Variants in CAPN9 observed in about 807,000 individuals in gnomAD.
CAPN9 encodes calpain-9.
CAPN9 carries 81 observed loss-of-function variants against 92.8 expected under a neutral mutation model. That is an observed-to-expected ratio of 0.87 (90% CI 0.73 to 1.05). The LOEUF (loss-of-function observed/expected upper bound fraction) is 1.05, where lower values mean the gene tolerates loss of function less well. Among genes scored for constraint, CAPN9 ranks in the 50% least tolerant of loss-of-function variants. CAPN9 has a pLI of 0.00. For missense variants in CAPN9, 848 were observed against 866.2 expected (o/e 0.98, Z 0.26); for synonymous variants, 304 against 328.0 (o/e 0.93, Z 0.79).
In CAPN9 at chr1:230,747,551, G is replaced by A. The variant is rs147360179; in HGVS notation, c.55G>A (p.Ala19Thr). 172 of 1,614,154 alleles carry A rather than the reference G, an allele frequency of 1.1e-4. No individual in the cohort carries two copies. The East Asian group carries it at 1.1e-3, about 11-fold the overall frequency. ...TCAGGCACACCCGGTTCCCAAGGACGCCCGGATCACCCACTCCTCAGGCCA... is the reference window on the plus strand; with the variant it reads ...TCAGGCACACCCGGTTCCCAAGGACACCCGGATCACCCACTCCTCAGGCCA... ...GPQAHPVPKDARITHSSGQSF... is the reference protein window; with the variant it reads ...GPQAHPVPKDTRITHSSGQSF... The change falls in exon 1 of 20, where the codon GCC becomes ACC. Residue 19 changes from alanine to threonine, a missense_variant. Physicochemically the swap from Ala to Thr is moderately conservative, Grantham distance 58. Transcript: ENST00000271971.
chr1:230,797,996 G>A (rs898746518), intron 18 of CAPN9, among the ~76,000 whole-genome samples, 166 bp from the exon 19 acceptor site: 1 of 152,078 alleles, frequency 6.6e-6, no homozygotes, highest in Non-Finnish European at 1.5e-5. Context: ...CCTTCAGCCC[G>A]CCCTTGATGA....
chr1:230,763,375 C>G (rs1665766916), intron 4 of CAPN9, among the ~76,000 whole-genome samples: 1 of 152,184 alleles, frequency 6.6e-6, no homozygotes, highest in Non-Finnish European at 1.5e-5. Flanking sequence ...AACTGAAATT[C>G]TGTCCCTATT....
At chr1:230,756,026 T>C (rs999836819) in intron 2 of CAPN9, among the ~76,000 whole-genome samples, 3 of 152,000 alleles carry the variant, frequency 2.0e-5, no homozygotes, top group African/African-American at 7.2e-5. Context: ...TTAATCCAAC[T>C]GGGCTGGGTT....
At chr1:230,767,843 T>C in intron 5 of CAPN9, 134 bp downstream of exon 5, 1 of 793,988 alleles carries the variant, frequency 1.3e-6, no homozygotes, top group Non-Finnish European at 2.0e-6. Context: ...GCAGTGTTTA[T>C]TCCTGCTAAT....
At chr1:230,794,337 C>T (rs1466804132) in intron 17 of CAPN9, among the ~76,000 whole-genome samples, 4 of 151,972 alleles carry the variant, frequency 2.6e-5, no homozygotes, top group Non-Finnish European at 5.9e-5. Flanking sequence ...CAAAATTAAC[C>T]AGTTGTGGTG....
At position 230,798,184 on chromosome 1, in the gene CAPN9, A is replaced by G; in HGVS notation, c.2010A>G (p.Thr670=). The G allele has an allele frequency of 1.2e-6, 2 of 1,611,886 alleles. No individual in the cohort carries two copies. Among genetic ancestry groups the G allele is most frequent in the Non-Finnish European group, 1.7e-6 (2 of 1,177,990 alleles). The change falls in exon 19 of 20, where the codon ACA becomes ACG. Residue 670 remains threonine, a synonymous_variant. Coordinates refer to ENST00000271971, the MANE Select transcript of CAPN9 (RefSeq NM_006615.3). ...CAGGGGTGTTCCAGGCTCTCAGTAC[A>G]AAGAACAAGGAGTTCATTCATCTCA... ...NASRVFQALS[T]KNKEFIHLNI...
chr1:230,798,424 A>G (rs970170463), intron 19 of CAPN9, among the ~76,000 whole-genome samples: 1 of 152,242 alleles, frequency 6.6e-6, no homozygotes, highest in Non-Finnish European at 1.5e-5. Context: ...TGAGCTAAGT[A>G]CCAATAGTAT....
At chr1:230,782,052 C>T (rs925942514) in intron 11 of CAPN9, among the ~76,000 whole-genome samples, 2 of 152,314 alleles carry the variant, frequency 1.3e-5, no homozygotes, top group East Asian at 3.9e-4. Context: ...TGCAGATTGA[C>T]ATCTCTTATG....
At chr1:230,760,202 G>A (rs1665544931) in intron 3 of CAPN9, among the ~76,000 whole-genome samples, 1 of 152,078 alleles carries the variant, frequency 6.6e-6, no homozygotes, top group Admixed American at 6.5e-5. Flanking sequence ...CTCCACCCCT[G>A]TCCTTATATA....
Position 230,747,551 on chromosome 1 carries a change from G to T in CAPN9, c.55G>T (p.Ala19Ser), listed in dbSNP as rs147360179. The T allele has an allele frequency of 1.2e-4, 201 of 1,614,154 alleles. No homozygotes were observed. The highest frequency in any genetic ancestry group is 1.6e-4 in the Non-Finnish European group (192 of 1,180,038). ...GPQAHPVPKDARITHSSGQSF... is the reference protein window; with the variant it reads ...GPQAHPVPKDSRITHSSGQSF... Reference sequence around the variant, plus strand: ...TCAGGCACACCCGGTTCCCAAGGACGCCCGGATCACCCACTCCTCAGGCCA... The same window carrying T: ...TCAGGCACACCCGGTTCCCAAGGACTCCCGGATCACCCACTCCTCAGGCCA... Residue 19 changes from alanine to serine, a missense_variant, in exon 1 of 20, where the codon GCC (alanine) becomes TCC (serine). Physicochemically the swap from Ala to Ser is moderately conservative, Grantham distance 99 (BLOSUM62 1). Coordinates refer to ENST00000271971, the MANE Select transcript of CAPN9 (RefSeq NM_006615.3).
At chr1:230,753,244 C>G (rs921527198) in intron 1 of CAPN9, among the ~76,000 whole-genome samples, 2 of 152,168 alleles carry the variant, frequency 1.3e-5, no homozygotes, top group African/African-American at 4.8e-5. Context: ...TGGCAGAGGA[C>G]AGGCCAGCAT....
chr1:230,772,079 G>T lies in CAPN9; in HGVS notation c.855G>T (p.Trp285Cys). 6.2e-7 allele frequency: 1 copy of T among 1,614,232 alleles called. No individual in the cohort carries two copies. Among genetic ancestry groups the T allele is most frequent in the African/African-American group, 1.3e-5 (1 of 75,066 alleles). Residue 285 changes from tryptophan to cysteine, a missense_variant, in exon 7 of 20, where the codon TGG (tryptophan) becomes TGT (cysteine). By Grantham distance (215) the Trp-to-Cys change is radical. Transcript: ENST00000271971. ...GGAACCCTTGGGGCCAGGTTGAGTG[G>T]AACGGGTCGTGGAGCGACAGGTCAG... ...RIRNPWGQVE[W>C]NGSWSDSSPE...
chr1:230,776,925 G>A (rs567027163), intron 8 of CAPN9: 19 of 152,326 alleles, frequency 1.2e-4, no homozygotes, highest in African/African-American at 4.6e-4. Context: ...TCTGCCTCGG[G>A]AACCATGAGG....
At chr1:230,791,956 T>C in intron 15 of CAPN9, 28 bp downstream of exon 15, 1 of 1,523,570 alleles carries the variant, frequency 6.6e-7, no homozygotes. Flanking sequence ...TGAGCAGAAA[T>C]AGACATGGAT....
At position 230,798,225 on chromosome 1, in the gene CAPN9, G is replaced by A. The variant is rs1668472469; in HGVS notation, c.2046+5G>A. 6.2e-7 allele frequency: 1 copy of A among 1,604,482 alleles called. No individual in the cohort carries two copies. ...ATTCATCTCAATATAAATGAGGTAT[G>A]GCCAATCCAGACCCTCTGCTCAGGG... is the stretch of plus-strand genomic sequence containing the variant. On this transcript the variant is annotated splice_donor_5th_base_variant and intron_variant, in intron 19 of 19. Transcript: ENST00000271971.
chr1:230,789,094 C>A (rs563700167), intron 13 of CAPN9, among the ~76,000 whole-genome samples: 4 of 152,242 alleles, frequency 2.6e-5, no homozygotes, highest in Admixed American at 2.6e-4. Context: ...ATCCCAAACC[C>A]CCATTCCCCA....
intron 8 of CAPN9, among the ~76,000 whole-genome samples, chr1:230,777,680 A>G (rs1300037449): frequency 6.7e-6 from 1 of 150,324 alleles, no homozygotes; most frequent in Admixed American, 6.6e-5. Flanking sequence ...GTGCCCCACC[A>G]CCCCACTAAC....
intron 2 of CAPN9, among the ~76,000 whole-genome samples, chr1:230,757,719 C>CAAAAAAA (rs35948414): frequency 9.6e-6 from 1 of 104,302 alleles, no homozygotes; most frequent in Admixed American, 1.1e-4. Context: ...ACATCTCTAT[C>CAAAAAAA]AAAAAAAAAA....
chr1:230,753,306 A>T (rs912614661), intron 1 of CAPN9, among the ~76,000 whole-genome samples: 3 of 152,034 alleles, frequency 2.0e-5, no homozygotes, highest in African/African-American at 7.3e-5. Context: ...ATCTAAAAAC[A>T]CCCCGTGTTC....
Sources: allele counts gnomAD v4.1 joint callset (sites outside exome capture counted in the v4.1 genomes callset), GRCh38; gene constraint gnomAD v4.1.1; transcripts MANE v1.5; gene names NCBI Gene and HGNC (gene_info 2026-07-23, HGNC 2026-07-21).